ASPH: variants seen among roughly 807,000 people sequenced by gnomAD.
The protein encoded by ASPH is aspartate beta-hydroxylase.
Under a neutral mutation model 118.4 loss-of-function variants are expected in ASPH, and 100 were observed. The ratio of observed to expected loss-of-function variants is 0.84; its 90% CI spans 0.72 to 1.00. The LOEUF (loss-of-function observed/expected upper bound fraction) is 1.00, where lower values mean the gene tolerates loss of function less well. ASPH is among the 50% of genes least tolerant of loss of function. ASPH has a pLI of 0.00. For missense variants in ASPH, 920 were observed against 919.5 expected (o/e 1.00, Z -0.01); for synonymous variants, 315 against 325.6 (o/e 0.97, Z 0.35).
intron 3 of ASPH, chr8:61,664,385 T>G: frequency 1.0e-6 from 1 of 974,748 alleles, no homozygotes; most frequent in Non-Finnish European, 1.2e-6. Flanking sequence ...TTAAAACCTT[T>G]CTATAGTTAT....
At chr8:61,656,757 A>G (rs1051085996) in intron 3 of ASPH, 1 of 152,234 alleles carries the variant, frequency 6.6e-6, no homozygotes, top group African/African-American at 2.4e-5. Context: ...AATTTTAATT[A>G]AAATTAGATG....
At chr8:61,587,740 T>G (rs1168018475) in intron 14 of ASPH, among the ~76,000 whole-genome samples, 1 of 152,234 alleles carries the variant, frequency 6.6e-6, no homozygotes, top group Non-Finnish European at 1.5e-5. Context: ...AGCTTCTAAC[T>G]ATTGTACCTG....
chr8:61,557,851 T>C (rs1453181590), intron 18 of ASPH, among the ~76,000 whole-genome samples: 1 of 152,240 alleles, frequency 6.6e-6, no homozygotes, highest in Non-Finnish European at 1.5e-5. Flanking sequence ...AGGAGCTCAA[T>C]AAATACCTCT....
intron 21 of ASPH, among the ~76,000 whole-genome samples, chr8:61,544,118 C>G (rs1482002614): frequency 6.6e-6 from 1 of 152,170 alleles, no homozygotes; most frequent in Non-Finnish European, 1.5e-5. Context: ...TTTCACTGCT[C>G]TAGTGTTTTG....
chr8:61,566,955 C>A (rs1831913914), intron 17 of ASPH, among the ~76,000 whole-genome samples: 1 of 152,126 alleles, frequency 6.6e-6, no homozygotes, highest in African/African-American at 2.4e-5. Flanking sequence ...TGGAACCAAA[C>A]CCACAGTATC....
At chr8:61,549,689 A>G (rs1586903534) in intron 20 of ASPH, among the ~76,000 whole-genome samples, 1 of 152,312 alleles carries the variant, frequency 6.6e-6, no homozygotes, top group Non-Finnish European at 1.5e-5. Flanking sequence ...GTCCAACTAA[A>G]ATTTAGGATT....
chr8:61,628,335 T>A (rs2150677486), intron 13 of ASPH: 2 of 354,306 alleles, frequency 5.6e-6, no homozygotes, highest in Non-Finnish European at 1.1e-5. Context: ...TTTTTTTTTT[T>A]TTTTTTTTTT....
chr8:61,521,537 C>T (rs1000394141), intron 22 of ASPH, among the ~76,000 whole-genome samples: 2 of 152,166 alleles, frequency 1.3e-5, no homozygotes, highest in Non-Finnish European at 2.9e-5. Context: ...TTTCCAAAGC[C>T]TATGCTTTAA....
intron 7 of ASPH, 33 bp downstream of exon 7, chr8:61,644,567 C>A: frequency 6.5e-7 from 1 of 1,532,624 alleles, no homozygotes; most frequent in Non-Finnish European, 8.8e-7. Flanking sequence ...AAGACTCACT[C>A]TAATTAAGAA....
At chr8:61,660,584 A>G (rs1233745588) in intron 3 of ASPH, 2 of 152,158 alleles carry the variant, frequency 1.3e-5, no homozygotes, top group African/African-American at 4.8e-5. Context: ...GATGTTGAGA[A>G]CACTGTTCAA....
intron 14 of ASPH, among the ~76,000 whole-genome samples, chr8:61,614,946 A>G (rs1056999403): frequency 2.6e-5 from 4 of 152,158 alleles, no homozygotes; most frequent in Non-Finnish European, 5.9e-5. Flanking sequence ...GACCACTGCA[A>G]TAGTCTCCTA....
intron 21 of ASPH, among the ~76,000 whole-genome samples, chr8:61,526,639 A>G (rs1326182105): frequency 6.6e-6 from 1 of 152,240 alleles, no homozygotes; most frequent in Non-Finnish European, 1.5e-5. Flanking sequence ...CAGCAAACCA[A>G]AACAAATAAA....
At chr8:61,585,038 T>C (rs949528595) in intron 14 of ASPH, among the ~76,000 whole-genome samples, 3 of 152,238 alleles carry the variant, frequency 2.0e-5, no homozygotes, top group Non-Finnish European at 2.9e-5. Context: ...GGTTTTGTTA[T>C]AATCCTTCAC....
At chr8:61,506,481 T>C (rs968451188) in intron 24 of ASPH, among the ~76,000 whole-genome samples, 2 of 152,204 alleles carry the variant, frequency 1.3e-5, no homozygotes, top group Non-Finnish European at 2.9e-5. Flanking sequence ...AATTTTGTTA[T>C]GTGTATTTTA....
chr8:61,675,850 G>A (rs1192777579), intron 3 of ASPH: 6 of 1,334,944 alleles, frequency 4.5e-6, no homozygotes, highest in Non-Finnish European at 4.8e-6. Flanking sequence ...CTTTGTAGCT[G>A]ACTACAAGAA....
intron 1 of ASPH, among the ~76,000 whole-genome samples, chr8:61,697,321 T>C (rs1834151378): frequency 6.6e-6 from 1 of 152,206 alleles, no homozygotes; most frequent in Non-Finnish European, 1.5e-5. Context: ...ACACAGAATA[T>C]TCCTGCAGCC....
intron 13 of ASPH, among the ~76,000 whole-genome samples, chr8:61,622,919 G>A (rs967016294): frequency 1.3e-5 from 2 of 152,120 alleles, no homozygotes; most frequent in Admixed American, 1.3e-4. Context: ...TGTTTCTTCT[G>A]GACATGCTGG....
At chr8:61,604,270 C>A (rs1312474013) in intron 14 of ASPH, among the ~76,000 whole-genome samples, 6 of 151,952 alleles carry the variant, frequency 3.9e-5, no homozygotes, top group Admixed American at 3.3e-4. Flanking sequence ...GATATACAAG[C>A]CTGAGATGTC....
At chr8:61,628,027 T>C (rs11997478) in intron 13 of ASPH, among the ~76,000 whole-genome samples, 28,766 of 152,010 alleles carry the variant, frequency 0.19, 2,872 homozygotes, top group South Asian at 0.35. Context: ...CCACCATTTT[T>C]GGCTTAGCCT....
Sources: gnomAD v4.1 joint callset for allele counts (sites outside exome capture counted in the v4.1 genomes callset) on GRCh38, gnomAD v4.1.1 for gene constraint, MANE v1.5 for transcripts, NCBI Gene and HGNC (gene_info 2026-07-23, HGNC 2026-07-21) for gene names.